FAR2: variants seen among roughly 807,000 people sequenced by gnomAD.
The protein encoded by FAR2 is epididymis secretory protein Li 81.
FAR2 carries 19 observed loss-of-function variants against 56.0 expected under a neutral mutation model. The ratio of observed to expected loss-of-function variants is 0.34; its 90% CI spans 0.24 to 0.50. FAR2 has a LOEUF of 0.50. FAR2 is among the 20% of genes least tolerant of loss of function. The pLI is 0.98. For missense variants in FAR2, 508 were observed against 642.2 expected, an observed-to-expected ratio of 0.79 and a Z score of 2.26; for synonymous variants, 219 against 218.8, an observed-to-expected ratio of 1.00 and a Z score of -0.01.
At chr12:29,323,261 G>A (rs898234075) in intron 10 of FAR2, among the ~76,000 whole-genome samples, 3 of 152,226 alleles carry the variant, frequency 2.0e-5, no homozygotes, top group Admixed American at 6.5e-5. Flanking sequence ...AGCTCAAACT[G>A]GGTGGAGCCC....
chr12:29,316,303 T>C (rs1365454546), intron 8 of FAR2, among the ~76,000 whole-genome samples: 1 of 152,226 alleles, frequency 6.6e-6, no homozygotes, highest in African/African-American at 2.4e-5. Flanking sequence ...AAACTCTGGA[T>C]ACCAGAGTGG....
chr12:29,307,625 T>A, intron 4 of FAR2, 33 bp from the exon 5 acceptor site: 1 of 1,563,150 alleles, frequency 6.4e-7, no homozygotes, highest in Non-Finnish European at 8.6e-7. Flanking sequence ...GTCTAACATA[T>A]GTTACTAGAA....
At chr12:29,221,150 A>G (rs4931169) in intron 1 of FAR2, among the ~76,000 whole-genome samples, 150,858 of 152,142 alleles carry the variant, frequency 0.99, 74,790 homozygotes, top group Middle Eastern at 1. Flanking sequence ...CCGTAAAATC[A>G]GCCGCTTTAC....
At chr12:29,243,682 C>A (rs965608973) in intron 1 of FAR2, among the ~76,000 whole-genome samples, 7 of 152,104 alleles carry the variant, frequency 4.6e-5, no homozygotes, top group Admixed American at 2.6e-4. Context: ...AATGGTGTAG[C>A]AGTTATAGGC....
intron 1 of FAR2, among the ~76,000 whole-genome samples, chr12:29,235,755 G>T (rs1258302339): frequency 2.0e-5 from 3 of 151,952 alleles, no homozygotes. Context: ...CCCAGCTCTG[G>T]GGAAAAAAAG....
At chr12:29,310,938 C>A in intron 6 of FAR2, 90 bp from the exon 7 acceptor site, 1 of 920,196 alleles carries the variant, frequency 1.1e-6, no homozygotes, top group Non-Finnish European at 1.8e-6. Flanking sequence ...TCACTTATTG[C>A]ACTAGTATAA....
chr12:29,198,210 T>G (rs537430271), intron 1 of FAR2, among the ~76,000 whole-genome samples: 1 of 152,310 alleles, frequency 6.6e-6, no homozygotes, highest in African/African-American at 2.4e-5. Flanking sequence ...TTATTCTGTT[T>G]TTTATTTTAA....
At chr12:29,231,257 C>T (rs1179559151) in intron 1 of FAR2, among the ~76,000 whole-genome samples, 2 of 152,056 alleles carry the variant, frequency 1.3e-5, no homozygotes, top group African/African-American at 2.4e-5. Flanking sequence ...TGGTGGTAGA[C>T]GTGACCAGGC....
At chr12:29,287,689 C>T (rs944830457) in intron 2 of FAR2, among the ~76,000 whole-genome samples, 4 of 152,018 alleles carry the variant, frequency 2.6e-5, no homozygotes, top group Non-Finnish European at 5.9e-5. Flanking sequence ...AAGAGAAAGA[C>T]TTTTTGAAGA....
intron 1 of FAR2, among the ~76,000 whole-genome samples, chr12:29,213,708 AT>A (rs1394063090): frequency 6.9e-6 from 1 of 145,868 alleles, no homozygotes; most frequent in African/African-American, 2.5e-5. Flanking sequence ...AAAAAAAAAG[AT>A]TAAGTCTATC....
intron 1 of FAR2, among the ~76,000 whole-genome samples, chr12:29,172,705 G>A (rs931346370): frequency 2.6e-5 from 4 of 152,232 alleles, no homozygotes; most frequent in African/African-American, 9.6e-5. Context: ...TGACCCTTGA[G>A]TGAGTCAGGT....
intron 1 of FAR2, among the ~76,000 whole-genome samples, chr12:29,178,958 C>T (rs1419369988): frequency 7.2e-5 from 11 of 152,082 alleles, no homozygotes; most frequent in Admixed American, 3.3e-4. Context: ...CTTCTGAGGG[C>T]CATCGGGAAG....
At chr12:29,244,754 A>T (rs970499059) in intron 1 of FAR2, among the ~76,000 whole-genome samples, 1 of 152,206 alleles carries the variant, frequency 6.6e-6, no homozygotes, top group African/African-American at 2.4e-5. Flanking sequence ...TAGAGACAAG[A>T]TCTGACAGAA....
intron 10 of FAR2, among the ~76,000 whole-genome samples, chr12:29,330,720 CCCA>C (rs1409767568): frequency 1.3e-5 from 2 of 152,058 alleles, no homozygotes; most frequent in Non-Finnish European, 2.9e-5. Context: ...ATGAATTAAA[CCCA>C]AGAGATTCTC....
rs12313631 is a variant in FAR2, at chr12:29,270,282, C to T, written c.-38-130C>T. ...AATGAGTCGTATTGCTTAAAAGCCA[C>T]GATGCTCTCACTGTCTGACCTATTT... On this transcript the variant is annotated intron_variant, in intron 1 of 11. Coordinates refer to ENST00000536681, the MANE Select transcript of FAR2 (RefSeq NM_001271783.2). 3,796 of 582,724 alleles carry T rather than the reference C, an allele frequency of 6.5e-3. 66 individuals carry two copies. Among genetic ancestry groups the T allele is most frequent in the African/African-American group, 0.039 (2,071 of 53,132 alleles). 36.1% of individuals were successfully genotyped at this position (582,724 alleles called of 1,614,324 possible).
At chr12:29,204,851 A>G (rs977191253) in intron 1 of FAR2, among the ~76,000 whole-genome samples, 4 of 152,190 alleles carry the variant, frequency 2.6e-5, no homozygotes, top group African/African-American at 4.8e-5. Flanking sequence ...TATCACGGGA[A>G]CAGCACCAAG....
intron 1 of FAR2, among the ~76,000 whole-genome samples, chr12:29,181,542 T>C (rs1369911925): frequency 4.0e-5 from 6 of 151,410 alleles, no homozygotes; most frequent in Non-Finnish European, 8.8e-5. Context: ...TCTCACCACA[T>C]AACTCACTTC....
intron 3 of FAR2, among the ~76,000 whole-genome samples, chr12:29,296,158 A>G (rs1051755120): frequency 6.6e-6 from 1 of 151,584 alleles, no homozygotes; most frequent in Non-Finnish European, 1.5e-5. Flanking sequence ...CATGTATGCA[A>G]TTATATAATC....
At chr12:29,182,179 C>G (rs1003720042) in intron 1 of FAR2, among the ~76,000 whole-genome samples, 1 of 152,192 alleles carries the variant, frequency 6.6e-6, no homozygotes, top group Non-Finnish European at 1.5e-5. Context: ...TGTTACAGCC[C>G]TTAAAGGTGG....
Sources: gnomAD v4.1 joint callset for allele counts (sites outside exome capture counted in the v4.1 genomes callset) on GRCh38, gnomAD v4.1.1 for gene constraint, MANE v1.5 for transcripts, NCBI Gene and HGNC (gene_info 2026-07-23, HGNC 2026-07-21) for gene names.